Variants in MED12 observed in about 807,000 individuals in gnomAD.
The protein encoded by MED12 is mediator complex subunit 12.
In MED12, 10 loss-of-function variants were observed where a neutral mutation model predicts 177.7. The observed-to-expected ratio is 0.06, with a 90% CI of 0.03 to 0.10. MED12 has a LOEUF of 0.10. Ranked by LOEUF, MED12 falls within the 10% of genes least tolerant of loss-of-function variation. The pLI is 1.00. For missense variants in MED12, 867 were observed against 1,780.8 expected, an observed-to-expected ratio of 0.49 and a Z score of 9.23; for synonymous variants, 641 against 678.4, an observed-to-expected ratio of 0.94 and a Z score of 0.86.
At chrX:71,122,982 G>T (rs2092293502) in intron 10 of MED12, 108 bp downstream of exon 10, 13 of 1,156,238 alleles carry the variant, frequency 1.1e-5, no homozygotes, top group Non-Finnish European at 1.5e-5. Flanking sequence ...CTGCAGAAAT[G>T]ATCTTACTGG....
In MED12 at chrX:71,118,789, G is replaced by A; in HGVS notation, c.35G>A (p.Arg12Gln). 1 of 1,209,331 alleles carries A rather than the reference G, an allele frequency of 8.3e-7. No homozygotes were observed. The change falls in exon 1 of 45, where the codon CGG becomes CAG. Residue 12 changes from arginine to glutamine, a missense_variant. By Grantham distance (43) the Arg-to-Gln change is conservative (BLOSUM62 1). Transcript: ENST00000374080. ...TTCGGGATCTTGAGCTACGAACACCGGCCCCTGAAGCGGCCGCGGCTGGGG... is the reference window on the plus strand; with the variant it reads ...TTCGGGATCTTGAGCTACGAACACCAGCCCCTGAAGCGGCCGCGGCTGGGG... Reference protein sequence around the residue: ...AAFGILSYEHRPLKRPRLGPP... With the variant: ...AAFGILSYEHQPLKRPRLGPP...
intron 28 of MED12, among the ~76,000 whole-genome samples, chrX:71,130,975 A>G (rs1364227305): frequency 8.9e-6 from 1 of 112,336 alleles, no homozygotes; most frequent in Non-Finnish European, 1.9e-5. Context: ...AAACAAGAGA[A>G]GCAGGCTTCA....
Position 71,136,178 on chromosome X carries a change from C to T in MED12, c.5026-103C>T, listed in dbSNP as rs749534396. ...TGTCTGTCTGCTTCTTACCATCTCT[C>T]CTGAATCTGCCTATGACTTTCTTTC... On this transcript the variant is annotated intron_variant, in intron 36 of 44. Transcript: ENST00000374080. 563 of 989,218 alleles carry T rather than the reference C, an allele frequency of 5.7e-4. 1 individual carries two copies. The highest frequency in any genetic ancestry group is 6.4e-4 in the Non-Finnish European group (448 of 697,515). The allele number at this position is 989,218 out of a possible 1,213,427, so 81.5% of individuals were successfully genotyped here.
At chrX:71,129,891 C>T (rs1301795600) in intron 27 of MED12, 36 bp downstream of exon 27, 1 of 1,203,776 alleles carries the variant, frequency 8.3e-7, no homozygotes, top group East Asian at 3.0e-5. Context: ...TCCTAAATGC[C>T]TCTGTGTAAT....
In MED12 at chrX:71,123,181, G is replaced by A. The variant is rs1481038049; in HGVS notation, c.1572G>A (p.Val524=). Residue 524 remains valine (V), a synonymous_variant, in exon 11 of 45, where the codon GTG becomes GTA. Coordinates refer to ENST00000374080, the MANE Select transcript of MED12 (RefSeq NM_005120.3). ...GTTCTGGTCGGCATCGTGCTATGGT[G>A]GTAGCCAAGCTCCTGGAGAAGAGAC... ...CKRSGRHRAM[V]VAKLLEKRQA... is the part of the protein sequence containing the mutation. 3 of 1,209,614 alleles carry A rather than the reference G, an allele frequency of 2.5e-6. No homozygotes were observed. The African/African-American group carries it at 5.3e-5, about 21-fold the overall frequency.
At position 71,133,221 on chromosome X, in the gene MED12, G is replaced by A; in HGVS notation, c.4617+9G>A. On this transcript the variant is annotated intron_variant, in intron 33 of 44. Transcript: ENST00000374080. ...AACTGCGGCTCAACCTGGTGAGAAG[G>A]CCAGCTGGGGAGAAGAAGGAAGAGG... is the stretch of plus-strand genomic sequence containing the variant. The A allele has an allele frequency of 8.6e-7, 1 of 1,158,234 alleles. No homozygotes were observed. Among genetic ancestry groups the A allele is most frequent in the Non-Finnish European group, 1.2e-6 (1 of 846,862 alleles).
chrX:71,141,088 T>C, intron 42 of MED12, 142 bp from the exon 43 acceptor site: 1 of 1,102,714 alleles, frequency 9.1e-7, no homozygotes, highest in Non-Finnish European at 1.2e-6. Context: ...ATTTGGTTTC[T>C]TTCTGTGCAG....
Position 71,141,972 on chromosome X carries a change from T to C in MED12, c.6490+8T>C. The C allele has an allele frequency of 1.7e-6, 2 of 1,209,638 alleles. No homozygotes were observed. The highest frequency in any genetic ancestry group is 3.5e-5 in the South Asian group (2 of 56,813). ...TTCAACAACAGCTCTCTAGTAAGCC[T>C]GCCTGCCTTCCCAAGGAGAACCCCA... On this transcript the variant is annotated splice_region_variant and intron_variant, in intron 44 of 44. Coordinates refer to ENST00000374080, the MANE Select transcript of MED12 (RefSeq NM_005120.3).
Position 71,132,360 on chromosome X carries a change from C to T in MED12, c.4254-17C>T. 8.3e-7 allele frequency: 1 copy of T among 1,210,150 alleles called. No individual in the cohort carries two copies. ...CCTGGCTCCCCTGTGACCCTGTGTCCTCTGTCTGTTCTCCAGCTCTCTAGA... is the reference window on the plus strand; with the variant it reads ...CCTGGCTCCCCTGTGACCCTGTGTCTTCTGTCTGTTCTCCAGCTCTCTAGA... On this transcript the variant is annotated splice_polypyrimidine_tract_variant and intron_variant, in intron 30 of 44. Coordinates refer to ENST00000374080, the MANE Select transcript of MED12 (RefSeq NM_005120.3).
intron 4 of MED12, among the ~76,000 whole-genome samples, 159 bp downstream of exon 4, chrX:71,120,329 C>T (rs1033320149): frequency 3.7e-5 from 4 of 109,187 alleles, no homozygotes; most frequent in East Asian, 2.9e-4. Context: ...GTCTACTGTG[C>T]GCATATACTG....
chrX:71,140,536 C>G lies in MED12; in HGVS notation c.6045-99C>G, dbSNP rs1046353159. ...GTGACACGAGGAATGAATGAAATAACCTGCTAACGTTTCTTTCAGGTCAGG... is the reference window on the plus strand; with the variant it reads ...GTGACACGAGGAATGAATGAAATAAGCTGCTAACGTTTCTTTCAGGTCAGG... On this transcript the variant is annotated intron_variant, in intron 41 of 44. Coordinates refer to ENST00000374080, the MANE Select transcript of MED12 (RefSeq NM_005120.3). 3.3e-6 allele frequency: 4 copies of G among 1,198,431 alleles called. No homozygotes were observed. In the African/African-American group the frequency reaches 7.0e-5, roughly 21 times the overall value.
At position 71,136,421 on chromosome X, in the gene MED12, G is replaced by A. The variant is rs768033414; in HGVS notation, c.5166G>A (p.Arg1722=). ...TGGCTCGAGGAGAGGAGCAGCAGCG[G>A]TTGCTGCTCTACCACACACACCTGA... ...RRVARGEEQQ[R]LLLYHTHLRP... is the part of the protein sequence containing the mutation. Residue 1722 remains arginine, a synonymous_variant, in exon 37 of 45, where the codon CGG becomes CGA. Coordinates refer to ENST00000374080, the MANE Select transcript of MED12 (RefSeq NM_005120.3). The A allele has an allele frequency of 8.3e-7, 1 of 1,210,743 alleles. No homozygotes were observed. Among genetic ancestry groups the A allele is most frequent in the East Asian group, 3.0e-5 (1 of 33,795 alleles).
intron 1 of MED12, 33 bp downstream of exon 1, chrX:71,118,886 G>A (rs200236459): frequency 3.5e-6 from 4 of 1,135,267 alleles, no homozygotes; most frequent in Admixed American, 4.5e-5. Flanking sequence ...TGGAGGGGCC[G>A]GGGGCACGCG....
Position 71,142,253 on chromosome X carries a change from G to GC in MED12, c.*39dup. 2 of 1,195,984 alleles carry GC rather than the reference G, an allele frequency of 1.7e-6. No individual in the cohort carries two copies. Among genetic ancestry groups the GC allele is most frequent in the African/African-American group, 1.7e-5 (1 of 57,545 alleles). ...AGGAACTGCTTGTGCACTGGATGTG[G>GC]CCCCACCCTTTCCTCTTAATTCCCA... On this transcript the variant is annotated 3_prime_UTR_variant, in exon 45 of 45. Coordinates refer to ENST00000374080, the MANE Select transcript of MED12 (RefSeq NM_005120.3).
chrX:71,132,970 G>A lies in MED12; in HGVS notation c.4527+14G>A, dbSNP rs752411612. The A allele has an allele frequency of 8.7e-7, 1 of 1,148,180 alleles. No homozygotes were observed. The highest frequency in any genetic ancestry group is 1.2e-6 in the Non-Finnish European group (1 of 848,153). The allele number at this position is 1,148,180 out of a possible 1,213,427, so 94.6% of individuals were successfully genotyped here. On this transcript the variant is annotated intron_variant, in intron 32 of 44. Coordinates refer to ENST00000374080, the MANE Select transcript of MED12 (RefSeq NM_005120.3). ...CAGGTGCACCAGGTACAGATCTCTG[G>A]GCCATGGAGGTGGGCAGGAGGTCAG...
chrX:71,128,273 A>G (rs758147827), intron 22 of MED12, 23 bp from the exon 23 acceptor site: 16 of 1,211,566 alleles, frequency 1.3e-5, no homozygotes, highest in Non-Finnish European at 1.6e-5. Flanking sequence ...GTTTTTCCTG[A>G]GGGCATTTGT....
rs961569982 is a variant in MED12 at position 71,132,184 on chromosome X, A to G, written c.4231A>G (p.Ser1411Gly). The G allele has an allele frequency of 9.9e-6, 12 of 1,210,099 alleles. No individual in the cohort carries two copies. The highest frequency in any genetic ancestry group is 1.3e-5 in the Non-Finnish European group (12 of 894,896). ...GSTASNMPSS[S>G]KTKPVLSSLE... is the part of the protein sequence containing the mutation. ...TACTGCAAGCAACATGCCCAGCAGC[A>G]GCAAGACCAAGCCTGTGCTCAGGTC... The change falls in exon 30 of 45, where the codon AGC becomes GGC. Residue 1411 changes from serine to glycine, a missense_variant. This residue lies in a region of MED12 where 46 missense variants were observed against 71.7 expected (regional missense o/e 0.64). Coordinates refer to ENST00000374080, the MANE Select transcript of MED12 (RefSeq NM_005120.3).
chrX:71,124,502 A>G (rs2092297849), intron 13 of MED12, 114 bp downstream of exon 13: 2 of 602,335 alleles, frequency 3.3e-6, no homozygotes, highest in Non-Finnish European at 5.3e-6. Context: ...TATTTTTCTT[A>G]GCACTTGGTG....
rs1261437949 is a variant in MED12, at chrX:71,119,418, C to G, written c.145C>G (p.Pro49Ala). Residue 49 changes from proline (P) to alanine (A), a missense_variant, in exon 2 of 45, where the codon CCT becomes GCT. Physicochemically the swap from Pro to Ala is conservative, Grantham distance 27. Coordinates refer to ENST00000374080, the MANE Select transcript of MED12 (RefSeq NM_005120.3). ...LNVKQGFNNQPAVSGDEHGSA... is the reference protein window; with the variant it reads ...LNVKQGFNNQAAVSGDEHGSA... ...TGTAAAACAAGGTTTCAATAACCAG[C>G]CTGCTGTCTCTGGGGATGAGCATGG... 8.3e-7 allele frequency: 1 copy of G among 1,199,830 alleles called. No homozygotes were observed. Among genetic ancestry groups the G allele is most frequent in the African/African-American group, 1.8e-5 (1 of 57,003 alleles).
Sources: gnomAD v4.1 joint callset for allele counts (sites outside exome capture counted in the v4.1 genomes callset) on GRCh38, gnomAD v4.1.1 for gene constraint, gnomAD v4.1.1 regional missense constraint, MANE v1.5 for transcripts, NCBI Gene and HGNC (gene_info 2026-07-23, HGNC 2026-07-21) for gene names.